RIMS2: variants seen among roughly 807,000 people sequenced by gnomAD.
RIMS2 encodes the protein regulating synaptic membrane exocytosis 2.
In RIMS2, 59 loss-of-function variants were observed where a neutral mutation model predicts 174.4. That is an observed-to-expected ratio of 0.34 (90% confidence interval 0.27 to 0.42). The LOEUF (loss-of-function observed/expected upper bound fraction) is 0.42, where lower values mean the gene tolerates loss of function less well. Among genes scored for constraint, RIMS2 ranks in the 10% least tolerant of loss-of-function variants. The probability of loss-of-function intolerance (pLI) is 1.00; values close to 1 mark genes in which losing one functional copy is unlikely to be tolerated. For synonymous variants in RIMS2, 606 were observed against 572.5 expected (o/e 1.06, Z -0.84); for missense variants, 1,620 against 1,666.3 (o/e 0.97, Z 0.48).
intron 4 of RIMS2, among the ~76,000 whole-genome samples, chr8:103,898,619 C>T (rs1044193594): frequency 5.9e-5 from 9 of 151,498 alleles, no homozygotes; most frequent in Non-Finnish European, 8.8e-5. Flanking sequence ...TAGGCCATCA[C>T]CTTTGTGCCC....
chr8:104,108,260 G>T (rs192750072), intron 19 of RIMS2, among the ~76,000 whole-genome samples: 1 of 151,852 alleles, frequency 6.6e-6, no homozygotes, highest in African/African-American at 2.4e-5. Context: ...AGAGACAAGG[G>T]TCTTGTTTTA....
intron 19 of RIMS2, among the ~76,000 whole-genome samples, chr8:104,083,206 C>T (rs10093250): frequency 0.23 from 35,538 of 151,938 alleles, 4,406 homozygotes; most frequent in African/African-American, 0.33. Flanking sequence ...TTTAACATTA[C>T]ATAGTTATTC....
At chr8:103,866,424 T>C (rs1161950666) in intron 3 of RIMS2, among the ~76,000 whole-genome samples, 1 of 152,176 alleles carries the variant, frequency 6.6e-6, no homozygotes, top group Non-Finnish European at 1.5e-5. Flanking sequence ...GAATAAATCT[T>C]TGTCTTTACA....
intron 12 of RIMS2, among the ~76,000 whole-genome samples, chr8:103,932,830 G>A (rs2080269453): frequency 1.3e-5 from 2 of 152,178 alleles, no homozygotes; most frequent in African/African-American, 4.8e-5. Flanking sequence ...TTGGGGTGAG[G>A]AGTTCAAGAC....
chr8:103,633,877 A>T (rs1215706231), intron 1 of RIMS2, among the ~76,000 whole-genome samples: 2 of 152,140 alleles, frequency 1.3e-5, no homozygotes, highest in Non-Finnish European at 2.9e-5. Flanking sequence ...CAGTAGTAAC[A>T]TTCCCTTCAT....
chr8:104,142,294 A>G (rs1337887350), intron 19 of RIMS2, among the ~76,000 whole-genome samples: 1 of 151,700 alleles, frequency 6.6e-6, no homozygotes, highest in Admixed American at 6.6e-5. Context: ...CACCCAGCTA[A>G]TTTTTGTTAG....
At chr8:103,521,683 G>C (rs912728252) in intron 1 of RIMS2, among the ~76,000 whole-genome samples, 2 of 151,664 alleles carry the variant, frequency 1.3e-5, no homozygotes, top group African/African-American at 4.8e-5. Context: ...TTTTGCTCCG[G>C]TGTCATGCCA....
intron 1 of RIMS2, among the ~76,000 whole-genome samples, chr8:103,542,370 C>T (rs1435801523): frequency 6.6e-6 from 1 of 152,070 alleles, no homozygotes; most frequent in African/African-American, 2.4e-5. Context: ...AAGCAAAGCC[C>T]AGAACCTGAT....
chr8:104,234,656 C>T (rs997915592), intron 19 of RIMS2, among the ~76,000 whole-genome samples: 1 of 152,078 alleles, frequency 6.6e-6, no homozygotes, highest in African/African-American at 2.4e-5. Flanking sequence ...AATGATAAGC[C>T]TTACTTTTAT....
intron 11 of RIMS2, among the ~76,000 whole-genome samples, chr8:103,929,511 A>T (rs1182944588): frequency 4.0e-5 from 6 of 151,218 alleles, no homozygotes; most frequent in Non-Finnish European, 3.0e-5. Flanking sequence ...AAATTGCAGA[A>T]TTTTTTTTTC....
intron 19 of RIMS2, among the ~76,000 whole-genome samples, chr8:104,197,255 A>G (rs534471912): frequency 6.7e-6 from 1 of 150,128 alleles, no homozygotes; most frequent in African/African-American, 2.5e-5. Flanking sequence ...GGCTCACTGC[A>G]ACCTCCATTT....
At chr8:103,723,292 C>T (rs2097479532) in intron 2 of RIMS2, among the ~76,000 whole-genome samples, 1 of 152,186 alleles carries the variant, frequency 6.6e-6, no homozygotes. Context: ...ATCTTTTGGA[C>T]TTGTATTGGT....
At chr8:104,233,659 A>G (rs536702539) in intron 19 of RIMS2, among the ~76,000 whole-genome samples, 1 of 152,300 alleles carries the variant, frequency 6.6e-6, no homozygotes, top group South Asian at 2.1e-4. Flanking sequence ...TCTTTCTAGT[A>G]CAGGTTTGGA....
At chr8:103,878,705 T>G (rs1330349159) in intron 3 of RIMS2, among the ~76,000 whole-genome samples, 1 of 151,710 alleles carries the variant, frequency 6.6e-6, no homozygotes, top group Non-Finnish European at 1.5e-5. Flanking sequence ...GAGCTTTTTT[T>G]TTTTTGTTTG....
chr8:104,134,945 A>C (rs2098505802), intron 19 of RIMS2, among the ~76,000 whole-genome samples: 1 of 152,180 alleles, frequency 6.6e-6, no homozygotes, highest in Admixed American at 6.5e-5. Flanking sequence ...TATTCTTCTT[A>C]GTACCTCAAA....
At chr8:103,789,401 T>G (rs2098475239) in intron 3 of RIMS2, among the ~76,000 whole-genome samples, 2 of 152,118 alleles carry the variant, frequency 1.3e-5, no homozygotes, top group African/African-American at 4.8e-5. Flanking sequence ...CTAACATGAT[T>G]TATCAGACGC....
At chr8:104,199,279 G>A (rs536538071) in intron 19 of RIMS2, among the ~76,000 whole-genome samples, 2 of 151,596 alleles carry the variant, frequency 1.3e-5, no homozygotes, top group African/African-American at 4.8e-5. Flanking sequence ...AGCCAGGAGG[G>A]TCTAGATCTC....
At position 103,508,482 on chromosome 8, in the gene RIMS2, G is replaced by A. The variant is rs1383386950; in HGVS notation, c.176+7420G>A. On this transcript the variant is annotated intron_variant, in intron 1 of 23. Transcript: ENST00000504942. The stretch of plus-strand genomic sequence containing the variant: ...TAAAAAAAAAAAAAAAAAAGAAGAC[G>A]ATGCAGGACATGGTCAAGAAGTTTG... Among the ~76,000 whole-genome samples, 5 of 149,748 alleles carry A rather than the reference G, an allele frequency of 3.3e-5. No homozygotes were observed. The East Asian group carries it at 5.9e-4, about 18-fold the overall frequency.
At chr8:103,579,082 GA>G (rs1554645857) in intron 1 of RIMS2, among the ~76,000 whole-genome samples, 1 of 152,104 alleles carries the variant, frequency 6.6e-6, no homozygotes, top group Non-Finnish European at 1.5e-5. Flanking sequence ...AAAACTGGGA[GA>G]ATTCACCACC....
Sources: gnomAD v4.1 joint callset for allele counts (sites outside exome capture counted in the v4.1 genomes callset) on GRCh38, gnomAD v4.1.1 for gene constraint, MANE v1.5 for transcripts, NCBI Gene and HGNC (gene_info 2026-07-23, HGNC 2026-07-21) for gene names.